Variants in SLC9A9 observed in about 807,000 individuals in gnomAD.
SLC9A9 encodes sodium/hydrogen exchanger 9.
A neutral mutation model predicts 77.8 loss-of-function variants in SLC9A9; 62 were observed. The ratio of observed to expected loss-of-function variants is 0.80; its 90% CI spans 0.65 to 0.98. The LOEUF is 0.98. Ranked by LOEUF, SLC9A9 falls within the 50% of genes least tolerant of loss-of-function variation. SLC9A9 has a pLI of 0.00. For synonymous variants in SLC9A9, 320 were observed against 283.5 expected (o/e 1.13, Z -1.29); for missense variants, 775 against 774.9 (o/e 1.00, Z 0.00).
At position 143,510,916 on chromosome 3, in the gene SLC9A9, C is replaced by T. The variant is rs2036106176; in HGVS notation, c.1090-15468G>A. 3.3e-5 allele frequency among the ~76,000 whole-genome samples: 5 copies of T among 152,300 alleles called. No individual in the cohort carries two copies. The South Asian group carries it at 8.3e-4, about 25-fold the overall frequency. On this transcript the variant is annotated intron_variant, in intron 9 of 15. Coordinates refer to ENST00000316549, the MANE Select transcript of SLC9A9 (RefSeq NM_173653.4). ...TCCAGGGTGGAGAAAAGCTTTAACA[C>T]AACCAAATTTTTGACCATCAATGTC...
chr3:143,659,707 C>T (rs1326739700), intron 5 of SLC9A9, among the ~76,000 whole-genome samples: 1 of 152,198 alleles, frequency 6.6e-6, no homozygotes, highest in Non-Finnish European at 1.5e-5. Context: ...TGAAGAATGC[C>T]TCATCCTTGG....
intron 14 of SLC9A9, among the ~76,000 whole-genome samples, chr3:143,314,821 G>C (rs1213721018): frequency 1.3e-5 from 2 of 152,194 alleles, no homozygotes. Flanking sequence ...AGGCAGCTGG[G>C]TTAGCCTGGC....
intron 14 of SLC9A9, among the ~76,000 whole-genome samples, chr3:143,325,535 G>A (rs2031566811): frequency 6.6e-6 from 1 of 152,222 alleles, no homozygotes; most frequent in Non-Finnish European, 1.5e-5. Flanking sequence ...CCAAGGCCAT[G>A]GCACTGTCTT....
At chr3:143,583,912 A>G (rs1447434083) in intron 6 of SLC9A9, among the ~76,000 whole-genome samples, 1 of 152,208 alleles carries the variant, frequency 6.6e-6, no homozygotes, top group African/African-American at 2.4e-5. Context: ...TCATCTGATC[A>G]TATGAATTTG....
At chr3:143,473,052 T>C (rs940457400) in intron 11 of SLC9A9, among the ~76,000 whole-genome samples, 13 of 151,906 alleles carry the variant, frequency 8.6e-5, no homozygotes, top group Non-Finnish European at 1.3e-4. Context: ...CACGTGGAAC[T>C]TAAAAATATA....
In SLC9A9 at chr3:143,796,875, T is replaced by C. The variant is rs1410987860; in HGVS notation, c.407A>G (p.Asn136Ser). 3 of 1,612,204 alleles carry C rather than the reference T, an allele frequency of 1.9e-6. No individual in the cohort carries two copies. The highest frequency in any genetic ancestry group is 3.3e-5 in the Admixed American group (2 of 59,962). Residue 136 changes from asparagine to serine, a missense_variant, in exon 3 of 16, where the codon AAT becomes AGT. Asn to Ser is a conservative substitution (Grantham distance 46, BLOSUM62 1). Transcript: ENST00000316549. Reference protein sequence around the residue: ...KMTFDPEIFFNVLLPPIIFHA... With the variant: ...KMTFDPEIFFSVLLPPIIFHA... ...AAATATAATTGGTGGCAGTAAAACATTGAAGAAGATTTCTGGATCAAATGT... is the reference window on the plus strand; with the variant it reads ...AAATATAATTGGTGGCAGTAAAACACTGAAGAAGATTTCTGGATCAAATGT...
At chr3:143,733,962 C>T (rs1934874861) in intron 4 of SLC9A9, among the ~76,000 whole-genome samples, 1 of 152,026 alleles carries the variant, frequency 6.6e-6, no homozygotes, top group Admixed American at 6.6e-5. Flanking sequence ...TTTGGGACAC[C>T]AAGGTAGGAG....
At chr3:143,810,639 A>G (rs556770080) in intron 2 of SLC9A9, among the ~76,000 whole-genome samples, 1 of 152,268 alleles carries the variant, frequency 6.6e-6, no homozygotes, top group African/African-American at 2.4e-5. Flanking sequence ...TGAGGCTAAC[A>G]TAACCATTTT....
intron 6 of SLC9A9, among the ~76,000 whole-genome samples, chr3:143,620,922 C>T (rs1170779016): frequency 6.6e-6 from 1 of 152,212 alleles, no homozygotes; most frequent in Non-Finnish European, 1.5e-5. Flanking sequence ...CACCCTAATA[C>T]TGCGCTTTTC....
intron 12 of SLC9A9, among the ~76,000 whole-genome samples, chr3:143,397,568 A>C (rs1206441925): frequency 3.9e-5 from 6 of 152,178 alleles, no homozygotes; most frequent in Non-Finnish European, 8.8e-5. Context: ...TTAAATAAAC[A>C]GAATGATATG....
intron 11 of SLC9A9, among the ~76,000 whole-genome samples, chr3:143,488,466 T>C (rs1475771158): frequency 6.6e-6 from 1 of 152,004 alleles, no homozygotes; most frequent in Admixed American, 6.6e-5. Flanking sequence ...CACAGACTGC[T>C]ATTCCTTATG....
chr3:143,476,273 A>G (rs552940799), intron 11 of SLC9A9, among the ~76,000 whole-genome samples: 2 of 152,238 alleles, frequency 1.3e-5, no homozygotes, highest in Non-Finnish European at 2.9e-5. Context: ...TCAAAAATAA[A>G]TTGAGTTCTT....
chr3:143,463,112 A>T (rs1314621424), intron 12 of SLC9A9, among the ~76,000 whole-genome samples: 1 of 152,224 alleles, frequency 6.6e-6, no homozygotes, highest in Non-Finnish European at 1.5e-5. Flanking sequence ...TTAGAGGTCA[A>T]AATTTGGAAG....
At chr3:143,573,664 A>T (rs1322996190) in intron 8 of SLC9A9, among the ~76,000 whole-genome samples, 1 of 151,140 alleles carries the variant, frequency 6.6e-6, no homozygotes, top group African/African-American at 2.4e-5. Flanking sequence ...ACCGACGTGT[A>T]TGGAGATGTA....
At chr3:143,766,084 C>T (rs566310150) in intron 4 of SLC9A9, among the ~76,000 whole-genome samples, 5 of 152,234 alleles carry the variant, frequency 3.3e-5, no homozygotes, top group South Asian at 2.1e-4. Context: ...CCCTGACCTG[C>T]GGACTCTTGA....
chr3:143,279,961 AGGCATG>A (rs1938167932), intron 14 of SLC9A9, among the ~76,000 whole-genome samples: 2 of 152,146 alleles, frequency 1.3e-5, no homozygotes, highest in Admixed American at 1.3e-4. Context: ...CTGGGACTAC[AGGCATG>A]TGCCATGATA....
chr3:143,454,878 C>A (rs989369163), intron 12 of SLC9A9, among the ~76,000 whole-genome samples: 5 of 152,232 alleles, frequency 3.3e-5, no homozygotes, highest in African/African-American at 7.2e-5. Flanking sequence ...CCACTTCCAA[C>A]TTTAAGCCAT....
At chr3:143,409,294 C>T (rs2034047448) in intron 12 of SLC9A9, among the ~76,000 whole-genome samples, 1 of 152,194 alleles carries the variant, frequency 6.6e-6, no homozygotes, top group Non-Finnish European at 1.5e-5. Context: ...ATGGCTTGAA[C>T]ATGAGACAAT....
chr3:143,286,929 A>G (rs2197063), intron 14 of SLC9A9, among the ~76,000 whole-genome samples: 6,098 of 152,290 alleles, frequency 0.04, 136 homozygotes, highest in Non-Finnish European at 0.052. Flanking sequence ...ATGAGGCTCC[A>G]CTAGTTCTGG....
Sources: allele counts gnomAD v4.1 joint callset (sites outside exome capture counted in the v4.1 genomes callset), GRCh38; gene constraint gnomAD v4.1.1; transcripts MANE v1.5; gene names NCBI Gene and HGNC (gene_info 2026-07-23, HGNC 2026-07-21).